GET1: variants seen among roughly 807,000 people sequenced by gnomAD.
GET1 encodes guided entry of tail-anchored proteins factor 1.
In GET1, 20 loss-of-function variants were observed where a neutral mutation model predicts 22.6. The ratio of observed to expected loss-of-function variants is 0.89; its 90% CI spans 0.62 to 1.29. The LOEUF (loss-of-function observed/expected upper bound fraction) is 1.29, where lower values mean the gene tolerates loss of function less well. GET1 is among the 50% of genes most tolerant of loss of function. The probability of loss-of-function intolerance (pLI) is 0.00; values close to 1 mark genes in which losing one functional copy is unlikely to be tolerated. For synonymous variants in GET1, 92 were observed against 83.8 expected (o/e 1.10, Z -0.53); for missense variants, 209 against 219.9 (o/e 0.95, Z 0.31).
chr21:39,405,914 G>A, exon 5 of GET1: 1 of 1,601,546 alleles, frequency 6.2e-7, no homozygotes, highest in South Asian at 1.1e-5. Context: ...CCTTCTGTAG[G>A]TGACGATGGC....
chr21:39,402,317 C>G (rs541410124), downstream of GET1, among the ~76,000 whole-genome samples: 1 of 152,272 alleles, frequency 6.6e-6, no homozygotes, highest in East Asian at 1.9e-4. Flanking sequence ...GTTGGCCAGG[C>G]TGATCTCGAA....
At chr21:39,395,456 C>T (rs566789259) in intron 4 of GET1, among the ~76,000 whole-genome samples, 40 of 152,144 alleles carry the variant, frequency 2.6e-4, no homozygotes, top group African/African-American at 9.4e-4. Flanking sequence ...CTTCCACCTC[C>T]CAGGTTCAAG....
chr21:39,390,948 T>C, intron 2 of GET1, 85 bp downstream of exon 2: 1 of 1,467,356 alleles, frequency 6.8e-7, no homozygotes, highest in Non-Finnish European at 9.2e-7. Flanking sequence ...AATACATACT[T>C]TGCTTCTTGG....
At chr21:39,425,652 A>T (rs1216677925) in intron 1 of GET1, among the ~76,000 whole-genome samples, 1 of 152,156 alleles carries the variant, frequency 6.6e-6, no homozygotes, top group East Asian at 1.9e-4. Flanking sequence ...CTCTAGACCC[A>T]GGCCGTATGG....
At chr21:39,385,365 G>T (rs1569031117) in intron 1 of GET1, among the ~76,000 whole-genome samples, 3 of 152,156 alleles carry the variant, frequency 2.0e-5, no homozygotes, top group East Asian at 1.9e-4. Context: ...CCTTGGGCCA[G>T]TTAAGCCTAG....
At chr21:39,398,135 G>A (rs570899392), downstream of GET1, among the ~76,000 whole-genome samples, 3 of 152,298 alleles carry the variant, frequency 2.0e-5, no homozygotes, top group South Asian at 6.2e-4. Context: ...CCACAGCCTG[G>A]TGGAGGAACT....
chr21:39,387,980 A>G, intron 1 of GET1: 1 of 516,032 alleles, frequency 1.9e-6, no homozygotes, highest in African/African-American at 2.1e-5. Context: ...AAATGTGCAG[A>G]AAAGTTATAT....
At chr21:39,386,747 A>T (rs1031304495) in intron 1 of GET1, among the ~76,000 whole-genome samples, 1 of 152,214 alleles carries the variant, frequency 6.6e-6, no homozygotes, top group Non-Finnish European at 1.5e-5. Context: ...TTACATTTAG[A>T]TTCATATTAA....
intron 4 of GET1, among the ~76,000 whole-genome samples, chr21:39,395,646 G>A (rs1601637998): frequency 2.0e-5 from 3 of 152,356 alleles, no homozygotes; most frequent in East Asian, 3.9e-4. Context: ...TTACAGGTGT[G>A]AGCCACTGTG....
chr21:39,423,538 T>A, intron 1 of GET1: 1 of 1,457,238 alleles, frequency 6.9e-7, no homozygotes, highest in African/African-American at 1.4e-5. Context: ...TATACAGATA[T>A]GCAAATATGC....
intron 1 of GET1, among the ~76,000 whole-genome samples, chr21:39,383,827 G>A (rs998202137): frequency 4.6e-5 from 7 of 152,144 alleles, no homozygotes; most frequent in East Asian, 3.9e-4. Flanking sequence ...TGCAACCTCC[G>A]CCTCCCAGGT....
downstream of GET1, chr21:39,410,365 A>T: frequency 6.4e-7 from 1 of 1,551,778 alleles, no homozygotes; most frequent in South Asian, 1.1e-5. Flanking sequence ...TTTGTTGAAG[A>T]AACTATGGAA....
At chr21:39,416,268 A>G (rs901225913) in intron 1 of GET1, among the ~76,000 whole-genome samples, 2 of 152,188 alleles carry the variant, frequency 1.3e-5, no homozygotes, top group Admixed American at 1.3e-4. Flanking sequence ...TGAGGTGTTT[A>G]GTCTTTTAAG....
At chr21:39,418,647 G>A (rs574820093) in intron 1 of GET1, among the ~76,000 whole-genome samples, 17 of 152,104 alleles carry the variant, frequency 1.1e-4, no homozygotes, top group South Asian at 4.2e-4. Flanking sequence ...TTACAGGCAC[G>A]CATCACCATG....
At chr21:39,410,956 C>T (rs1324523583), downstream of GET1, 1 of 470,396 alleles carries the variant, frequency 2.1e-6, no homozygotes, top group East Asian at 6.9e-5. Flanking sequence ...TCCTATGGTA[C>T]TTCTGAGTCG....
At chr21:39,405,861 G>T in intron 4 of GET1, 1 of 1,501,376 alleles carries the variant, frequency 6.7e-7, no homozygotes, top group Non-Finnish European at 9.0e-7. Context: ...AAACCAGAAT[G>T]CATTAGGATA....
intron 3 of GET1, 157 bp downstream of exon 3, chr21:39,391,993 C>CT: frequency 1.6e-6 from 1 of 636,964 alleles, no homozygotes; most frequent in Non-Finnish European, 2.7e-6. Context: ...CTCTCGGTCT[C>CT]TAAGTCAGAC....
intron 1 of GET1, among the ~76,000 whole-genome samples, chr21:39,383,109 A>G (rs2037662398): frequency 3.4e-5 from 5 of 149,076 alleles, no homozygotes; most frequent in African/African-American, 1.2e-4. Flanking sequence ...CACCACCACC[A>G]CAACCGGCTA....
chr21:39,405,710 AAT>A, intron 4 of GET1: 1 of 454,222 alleles, frequency 2.2e-6, no homozygotes, highest in Non-Finnish European at 3.8e-6. Context: ...GCTAATATAA[AAT>A]AGATTTTTTA....
Sources: allele counts gnomAD v4.1 joint callset (sites outside exome capture counted in the v4.1 genomes callset), GRCh38; gene constraint gnomAD v4.1.1; transcripts MANE v1.5; gene names NCBI Gene and HGNC (gene_info 2026-07-23, HGNC 2026-07-21).